ATF7IP2: variants seen among roughly 807,000 people sequenced by gnomAD.
ATF7IP2 encodes the protein activating transcription factor 7 interacting protein 2.
ATF7IP2 carries 42 observed loss-of-function variants against 64.2 expected under a neutral mutation model. The ratio of observed to expected loss-of-function variants is 0.65; its 90% CI spans 0.51 to 0.85. The LOEUF (loss-of-function observed/expected upper bound fraction) is 0.85. Among genes scored for constraint, ATF7IP2 ranks in the 40% least tolerant of loss-of-function variants. The pLI, the probability that ATF7IP2 is intolerant of heterozygous loss-of-function variation, is 0.00. For missense variants in ATF7IP2, 933 were observed against 784.2 expected, an observed-to-expected ratio of 1.19 and a Z score of -2.27; for synonymous variants, 308 against 272.8, an observed-to-expected ratio of 1.13 and a Z score of -1.27.
chr16:10,408,049 C>T (rs1050046662), intron 1 of ATF7IP2, among the ~76,000 whole-genome samples: 2 of 151,960 alleles, frequency 1.3e-5, no homozygotes, highest in South Asian at 2.1e-4. Flanking sequence ...GTAGTTGGGA[C>T]TACAGGCATG....
At chr16:10,443,513 T>C (rs1337791796) in intron 8 of ATF7IP2, among the ~76,000 whole-genome samples, 1 of 152,238 alleles carries the variant, frequency 6.6e-6, no homozygotes, top group Admixed American at 6.5e-5. Context: ...CAACTGCTTT[T>C]GTTGAGAGTG....
chr16:10,391,886 A>AT (rs2047332880), intron 1 of ATF7IP2, among the ~76,000 whole-genome samples: 1 of 151,012 alleles, frequency 6.6e-6, no homozygotes, highest in Non-Finnish European at 1.5e-5. Context: ...ACAGAGTGAG[A>AT]TTCTGTTTAA....
At chr16:10,387,490 T>C (rs2047224968) in intron 1 of ATF7IP2, 1 of 152,232 alleles carries the variant, frequency 6.6e-6, no homozygotes, top group Non-Finnish European at 1.5e-5. Flanking sequence ...AACTGGTGTA[T>C]ATAGGTACAT....
At chr16:10,439,044 C>T (rs1483452237) in intron 7 of ATF7IP2, among the ~76,000 whole-genome samples, 2 of 80,146 alleles carry the variant, frequency 2.5e-5, no homozygotes, top group Admixed American at 1.3e-4. Flanking sequence ...AGCGAGACTC[C>T]ATCTCAAAAA....
At chr16:10,428,309 G>A (rs962804167) in intron 3 of ATF7IP2, among the ~76,000 whole-genome samples, 11 of 152,128 alleles carry the variant, frequency 7.2e-5, no homozygotes, top group African/African-American at 2.7e-4. Flanking sequence ...AAATGTAGAG[G>A]CATTTTTTTA....
chr16:10,472,177 C>A lies in ATF7IP2; in HGVS notation c.1420C>A (p.Pro474Thr). Residue 474 changes from proline to threonine, a missense_variant, in exon 10 of 14, where the codon CCA becomes ACA. Pro to Thr is a conservative substitution (Grantham distance 38, BLOSUM62 -1). Transcript: ENST00000562102. ...PNLTTPITSN[P>T]TDTRKITSGN... ...TTTGACAACTCCAATTACATCAAATCCAACAGGTATCTTATAGCTGATTAG... is the reference window on the plus strand; with the variant it reads ...TTTGACAACTCCAATTACATCAAATACAACAGGTATCTTATAGCTGATTAG... 1 of 1,545,162 alleles carries A rather than the reference C, an allele frequency of 6.5e-7. No homozygotes were observed. Among genetic ancestry groups the A allele is most frequent in the Non-Finnish European group, 8.9e-7 (1 of 1,127,506 alleles).
intron 9 of ATF7IP2, among the ~76,000 whole-genome samples, chr16:10,467,453 TA>T (rs2049618832): frequency 6.6e-6 from 1 of 152,162 alleles, no homozygotes; most frequent in Non-Finnish European, 1.5e-5. Context: ...TCTTACAGAT[TA>T]GCAATGAAAA....
intron 8 of ATF7IP2, among the ~76,000 whole-genome samples, chr16:10,456,162 C>T (rs2049159046): frequency 6.6e-6 from 1 of 151,474 alleles, no homozygotes; most frequent in African/African-American, 2.4e-5. Context: ...GAAGGTTTGG[C>T]CTGATTTCCT....
At chr16:10,397,932 A>C (rs959829886) in intron 1 of ATF7IP2, among the ~76,000 whole-genome samples, 23 of 152,142 alleles carry the variant, frequency 1.5e-4, no homozygotes, top group African/African-American at 5.5e-4. Context: ...TAAAGTGCAC[A>C]TCACTAATAT....
intron 8 of ATF7IP2, among the ~76,000 whole-genome samples, chr16:10,442,298 AT>A (rs373208900): frequency 2.5e-3 from 376 of 152,292 alleles, no homozygotes; most frequent in African/African-American, 7.3e-3. Context: ...CCCCTCTTGA[AT>A]TTATACACTT....
intron 7 of ATF7IP2, 147 bp downstream of exon 7, chr16:10,438,382 C>A: frequency 1.9e-5 from 13 of 688,618 alleles, no homozygotes; most frequent in Non-Finnish European, 2.4e-5. Flanking sequence ...GTAGCTGAGA[C>A]TACAGGTGCA....
chr16:10,417,178 T>C (rs556225916), intron 2 of ATF7IP2, among the ~76,000 whole-genome samples: 15 of 152,122 alleles, frequency 9.9e-5, no homozygotes, highest in Non-Finnish European at 1.9e-4. Context: ...AAAGAATTTA[T>C]ACAACAACTA....
intron 4 of ATF7IP2, among the ~76,000 whole-genome samples, chr16:10,429,495 A>G (rs13334433): frequency 1.3e-5 from 2 of 151,934 alleles, no homozygotes; most frequent in African/African-American, 4.8e-5. Flanking sequence ...GATTACAGGC[A>G]TGTGCCAGCA....
chr16:10,423,763 C>A (rs1454895859), intron 3 of ATF7IP2, among the ~76,000 whole-genome samples: 1 of 152,202 alleles, frequency 6.6e-6, no homozygotes, highest in Non-Finnish European at 1.5e-5. Context: ...CTTCCTCCTC[C>A]TCATCAGTGT....
intron 6 of ATF7IP2, 120 bp downstream of exon 6, chr16:10,433,769 G>A (rs896644175): frequency 9.3e-7 from 1 of 1,074,892 alleles, no homozygotes; most frequent in East Asian, 2.6e-5. Flanking sequence ...CAGAGCTGGT[G>A]TGTGAAAGCC....
intron 9 of ATF7IP2, among the ~76,000 whole-genome samples, chr16:10,459,025 A>G (rs1350391561): frequency 9.5e-6 from 1 of 105,722 alleles, no homozygotes; most frequent in Non-Finnish European, 2.1e-5. Flanking sequence ...ATCTCTACTA[A>G]AAAATAATAA....
In ATF7IP2 at chr16:10,482,092, A is replaced by G. The variant is rs761584249; in HGVS notation, c.1892A>G (p.Glu631Gly). The change falls in exon 14 of 14, where the codon GAA (glutamate) becomes GGA (glycine). Residue 631 changes from glutamate (E) to glycine (G), a missense_variant. By Grantham distance (98) the Glu-to-Gly change is moderately conservative. Coordinates refer to ENST00000562102, the MANE Select transcript of ATF7IP2 (RefSeq NM_001393719.1). ...AAGTTGATTTGGAAGAAGATTGGAG[A>G]AATTAAAGCTTTACCACTCCCCATG... Reference protein sequence around the residue: ...NNKLIWKKIGEIKALPLPMAC... With the variant: ...NNKLIWKKIGGIKALPLPMAC... 1 of 1,614,154 alleles carries G rather than the reference A, an allele frequency of 6.2e-7. No individual in the cohort carries two copies. Among genetic ancestry groups the G allele is most frequent in the East Asian group, 2.2e-5 (1 of 44,884 alleles).
intron 1 of ATF7IP2, among the ~76,000 whole-genome samples, chr16:10,414,142 G>A (rs1013564273): frequency 3.9e-5 from 6 of 152,060 alleles, no homozygotes; most frequent in Admixed American, 6.6e-5. Flanking sequence ...AACAAGGCCC[G>A]GGAAGTTTTC....
chr16:10,455,558 C>G (rs925150225), intron 8 of ATF7IP2, among the ~76,000 whole-genome samples: 1 of 152,194 alleles, frequency 6.6e-6, no homozygotes, highest in Admixed American at 6.5e-5. Context: ...GTGTGGGGTG[C>G]TGCTGTAACC....
Sources: allele counts gnomAD v4.1 joint callset (sites outside exome capture counted in the v4.1 genomes callset), GRCh38; gene constraint gnomAD v4.1.1; transcripts MANE v1.5; gene names NCBI Gene and HGNC (gene_info 2026-07-23, HGNC 2026-07-21).